LDAH: variants seen among roughly 807,000 people sequenced by gnomAD.
LDAH encodes lipid droplet-associated hydrolase.
Under a neutral mutation model 29.6 loss-of-function variants are expected in LDAH, and 26 were observed. The ratio of observed to expected loss-of-function variants is 0.88; its 90% CI spans 0.64 to 1.22. LDAH has a LOEUF of 1.22. Ranked by LOEUF, LDAH falls within the 50% of genes most tolerant of loss-of-function variation. LDAH has a pLI of 0.00. For missense variants in LDAH, 344 were observed against 387.3 expected (o/e 0.89, Z 0.94); for synonymous variants, 117 against 133.0 (o/e 0.88, Z 0.83).
intron 3 of LDAH, among the ~76,000 whole-genome samples, chr2:20,786,736 C>T (rs921181449): frequency 1.3e-5 from 2 of 152,054 alleles, no homozygotes; most frequent in African/African-American, 4.8e-5. Flanking sequence ...TTTCAGTGGG[C>T]CTGAATGCCT....
At chr2:20,767,933 C>A (rs961825145) in intron 4 of LDAH, among the ~76,000 whole-genome samples, 2 of 152,140 alleles carry the variant, frequency 1.3e-5, no homozygotes, top group Non-Finnish European at 2.9e-5. Flanking sequence ...TACAGGGCCT[C>A]CTCTCTGCTG....
intron 5 of LDAH, among the ~76,000 whole-genome samples, chr2:20,723,462 T>C (rs1363683013): frequency 6.6e-6 from 1 of 151,618 alleles, no homozygotes; most frequent in Non-Finnish European, 1.5e-5. Flanking sequence ...ATTCTTAAAT[T>C]AAAAAAAAAC....
rs547215927 is a variant in LDAH at position 20,687,052 on chromosome 2, C to T, written c.829G>A (p.Glu277Lys). 6.2e-7 allele frequency: 1 copy of T among 1,613,854 alleles called. No homozygotes were observed. The highest frequency in any genetic ancestry group is 1.3e-5 in the African/African-American group (1 of 75,024). ...TCCTTCTTAATGTCTTCATAGTACT[C>T]TTTTGGACACCAAGGATCTATAGTA... ...YGTIDPWCPK[E>K]YYEDIKKDFP... The change falls in exon 7 of 7, where the codon GAG (glutamate) becomes AAG (lysine). Residue 277 changes from glutamate (E) to lysine (K), a missense_variant. By Grantham distance (56) the Glu-to-Lys change is moderately conservative. Transcript: ENST00000237822.
At chr2:20,723,331 A>G (rs1320331122) in intron 5 of LDAH, among the ~76,000 whole-genome samples, 2 of 152,196 alleles carry the variant, frequency 1.3e-5, no homozygotes, top group Non-Finnish European at 2.9e-5. Flanking sequence ...GATGGGCAGA[A>G]GCATAAGGGG....
rs57140039 is a variant in LDAH at position 20,769,312 on chromosome 2, G to A, written c.468+5498C>T. 6.0e-3 allele frequency among the ~76,000 whole-genome samples: 906 copies of A among 152,224 alleles called. 10 individuals carry two copies. Among genetic ancestry groups the A allele is most frequent in the African/African-American group, 0.02 (831 of 41,520 alleles). On this transcript the variant is annotated intron_variant, in intron 4 of 6. Transcript: ENST00000237822. ...AAAACTTTCTGAGCCTTACAGTACTGCCTCATTTTGCCTTCCGTGTCTTGT... is the reference window on the plus strand; with the variant it reads ...AAAACTTTCTGAGCCTTACAGTACTACCTCATTTTGCCTTCCGTGTCTTGT...
chr2:20,775,253 G>A (rs953458280), intron 3 of LDAH, among the ~76,000 whole-genome samples: 1 of 152,238 alleles, frequency 6.6e-6, no homozygotes, highest in African/African-American at 2.4e-5. Context: ...TGGGAGAGGT[G>A]AGATTCAAAT....
Position 20,780,630 on chromosome 2 carries a change from A to G in LDAH, c.299-5651T>C, listed in dbSNP as rs116184036. 6.0e-3 allele frequency among the ~76,000 whole-genome samples: 915 copies of G among 152,324 alleles called. 10 individuals are homozygous for G. The highest frequency in any genetic ancestry group is 0.019 in the African/African-American group (794 of 41,570). On this transcript the variant is annotated intron_variant, in intron 3 of 6. Coordinates refer to ENST00000237822, the MANE Select transcript of LDAH (RefSeq NM_021925.4). ...GAGTCTGGACTCGGTTCTGTGATCAATGAGAAGATACCTATAGATTGCCAA... is the reference window on the plus strand; with the variant it reads ...GAGTCTGGACTCGGTTCTGTGATCAGTGAGAAGATACCTATAGATTGCCAA...
chr2:20,789,285 A>T lies in LDAH; in HGVS notation c.298+970T>A, dbSNP rs1043377115. The T allele has an allele frequency of 5.8e-6, 9 of 1,550,006 alleles. No individual in the cohort carries two copies. The African/African-American group carries it at 9.6e-5, about 17-fold the overall frequency. ...GGGTCATGAGGGTAGAGCCCGCGAG[A>T]GTCCCAAGAGGGCTTGCCTCCTGTG... is the stretch of plus-strand genomic sequence containing the variant. On this transcript the variant is annotated intron_variant, in intron 3 of 6. Coordinates refer to ENST00000237822, the MANE Select transcript of LDAH (RefSeq NM_021925.4).
At chr2:20,703,508 A>G (rs936233612) in intron 5 of LDAH, among the ~76,000 whole-genome samples, 3 of 152,206 alleles carry the variant, frequency 2.0e-5, no homozygotes, top group African/African-American at 7.2e-5. Context: ...TTCTATTCTT[A>G]CTTAAATAAT....
intron 3 of LDAH, among the ~76,000 whole-genome samples, chr2:20,785,186 G>A (rs956501429): frequency 4.6e-5 from 7 of 151,948 alleles, no homozygotes; most frequent in South Asian, 2.1e-4. Flanking sequence ...AATCTCTATC[G>A]CTTTCCCTTC....
At chr2:20,712,100 C>A (rs1050465821) in intron 5 of LDAH, among the ~76,000 whole-genome samples, 5 of 152,098 alleles carry the variant, frequency 3.3e-5, no homozygotes, top group Non-Finnish European at 7.4e-5. Flanking sequence ...TCCCTGACCC[C>A]CATGTACTGG....
chr2:20,728,010 C>T (rs1666133543), intron 5 of LDAH, among the ~76,000 whole-genome samples: 1 of 152,130 alleles, frequency 6.6e-6, no homozygotes, highest in African/African-American at 2.4e-5. Context: ...GCCATCTTTG[C>T]CAAAAGGGCA....
intron 3 of LDAH, among the ~76,000 whole-genome samples, chr2:20,777,919 C>T (rs1024401016): frequency 6.6e-6 from 1 of 151,982 alleles, no homozygotes; most frequent in Non-Finnish European, 1.5e-5. Context: ...CAGAAGAATG[C>T]TAATATGGAA....
chr2:20,752,280 CATAGAG>C (rs1359874353), intron 4 of LDAH, among the ~76,000 whole-genome samples: 1 of 151,950 alleles, frequency 6.6e-6, no homozygotes, highest in East Asian at 1.9e-4. Context: ...CCACTGAAAG[CATAGAG>C]ATAAACAGGT....
At chr2:20,714,331 A>G (rs1324872771) in intron 5 of LDAH, among the ~76,000 whole-genome samples, 2 of 152,232 alleles carry the variant, frequency 1.3e-5, no homozygotes, top group Non-Finnish European at 1.5e-5. Flanking sequence ...CTTTGAAACC[A>G]ATGAGAACAA....
intron 6 of LDAH, among the ~76,000 whole-genome samples, chr2:20,692,643 G>T (rs1338247875): frequency 6.6e-6 from 1 of 152,210 alleles, no homozygotes; most frequent in East Asian, 1.9e-4. Flanking sequence ...TGGATAAACT[G>T]AATTTTAGAA....
chr2:20,776,204 T>G (rs140641852), intron 3 of LDAH, among the ~76,000 whole-genome samples: 5 of 152,176 alleles, frequency 3.3e-5, no homozygotes, highest in Admixed American at 6.5e-5. Context: ...TCAGAAAAAC[T>G]ACTCTTCTGT....
intron 1 of LDAH, among the ~76,000 whole-genome samples, chr2:20,817,207 A>C (rs1439232489): frequency 6.6e-6 from 1 of 152,096 alleles, no homozygotes; most frequent in Admixed American, 6.5e-5. Context: ...AGCAGAAATC[A>C]ATGACATTAA....
At chr2:20,804,031 C>T (rs1671900720) in intron 1 of LDAH, among the ~76,000 whole-genome samples, 1 of 152,142 alleles carries the variant, frequency 6.6e-6, no homozygotes, top group Non-Finnish European at 1.5e-5. Context: ...TTGAGCACCC[C>T]AGGTAAACAA....
Sources: gnomAD v4.1 joint callset for allele counts (sites outside exome capture counted in the v4.1 genomes callset) on GRCh38, gnomAD v4.1.1 for gene constraint, MANE v1.5 for transcripts, NCBI Gene and HGNC (gene_info 2026-07-23, HGNC 2026-07-21) for gene names.